Variants in EPHB1 observed in about 807,000 individuals in gnomAD.
The protein encoded by EPHB1 is ephrin type-B receptor 1.
EPHB1 carries 30 observed loss-of-function variants against 94.4 expected under a neutral mutation model. That is an observed-to-expected ratio of 0.32 (90% confidence interval 0.24 to 0.43). The LOEUF (loss-of-function observed/expected upper bound fraction) is 0.43, where lower values mean the gene tolerates loss of function less well. Among genes scored for constraint, EPHB1 ranks in the 20% least tolerant of loss-of-function variants. EPHB1 has a pLI of 1.00. For synonymous variants in EPHB1, 522 were observed against 489.1 expected, an observed-to-expected ratio of 1.07 and a Z score of -0.89; for missense variants, 1,055 against 1,308.3, an observed-to-expected ratio of 0.81 and a Z score of 2.99.
At chr3:135,258,083 C>G (rs1576509100) in intron 15 of EPHB1, among the ~76,000 whole-genome samples, 1 of 152,108 alleles carries the variant, frequency 6.6e-6, no homozygotes. Context: ...CGTGCACGCA[C>G]CCACTGACCT....
chr3:134,904,921 C>A (rs967634416), intron 1 of EPHB1, among the ~76,000 whole-genome samples: 3 of 152,166 alleles, frequency 2.0e-5, no homozygotes, highest in Non-Finnish European at 2.9e-5. Context: ...TAACCAGGGG[C>A]CTTTTAGGGG....
intron 1 of EPHB1, among the ~76,000 whole-genome samples, chr3:134,890,346 A>G (rs1435683509): frequency 6.6e-6 from 1 of 152,220 alleles, no homozygotes; most frequent in Middle Eastern, 3.2e-3. Context: ...CCATGTTGAG[A>G]CAAGTTGCTC....
intron 1 of EPHB1, among the ~76,000 whole-genome samples, chr3:134,846,089 C>T (rs2036866892): frequency 6.6e-6 from 1 of 152,176 alleles, no homozygotes; most frequent in Non-Finnish European, 1.5e-5. Context: ...CTCCTCTGAT[C>T]AGTATGGTGT....
chr3:135,224,621 C>T (rs774615512), intron 12 of EPHB1, among the ~76,000 whole-genome samples: 31 of 152,148 alleles, frequency 2.0e-4, no homozygotes, highest in African/African-American at 7.5e-4. Context: ...ATATCCTGCT[C>T]CTCATAAAAA....
chr3:135,192,956 C>CA, intron 11 of EPHB1, 133 bp downstream of exon 11: 1 of 1,245,868 alleles, frequency 8.0e-7, no homozygotes, highest in Non-Finnish European at 1.1e-6. Context: ...GAGATGTTAG[C>CA]AGAGATTTGT....
At chr3:135,038,336 T>C (rs1936713562) in intron 3 of EPHB1, among the ~76,000 whole-genome samples, 2 of 152,242 alleles carry the variant, frequency 1.3e-5, no homozygotes, top group African/African-American at 4.8e-5. Context: ...ACTTTACCCG[T>C]TCCGAGTCTT....
chr3:135,117,124 T>G (rs1208055228), intron 4 of EPHB1, among the ~76,000 whole-genome samples: 4 of 152,182 alleles, frequency 2.6e-5, no homozygotes, highest in Non-Finnish European at 5.9e-5. Flanking sequence ...TAGGGATCTC[T>G]CCATAACTGG....
chr3:135,092,252 G>A (rs764867006), intron 3 of EPHB1, among the ~76,000 whole-genome samples: 1 of 152,110 alleles, frequency 6.6e-6, no homozygotes, highest in Non-Finnish European at 1.5e-5. Context: ...AGAGACCTAG[G>A]CCTAGCACCC....
chr3:134,827,384 C>G (rs192517290), intron 1 of EPHB1, among the ~76,000 whole-genome samples: 2 of 145,322 alleles, frequency 1.4e-5, no homozygotes, highest in African/African-American at 2.7e-5. Flanking sequence ...CACACACACA[C>G]ACACATACAC....
chr3:135,098,712 G>A (rs1938903738), intron 3 of EPHB1, among the ~76,000 whole-genome samples: 1 of 151,936 alleles, frequency 6.6e-6, no homozygotes, highest in African/African-American at 2.4e-5. Context: ...CCCAGGAAAT[G>A]ATAAGAATCC....
intron 4 of EPHB1, among the ~76,000 whole-genome samples, chr3:135,109,331 A>G (rs1021800622): frequency 5.9e-5 from 9 of 152,214 alleles, no homozygotes; most frequent in African/African-American, 1.9e-4. Flanking sequence ...CTTGGTCTAA[A>G]TCCTTGGTCT....
intron 3 of EPHB1, among the ~76,000 whole-genome samples, chr3:135,066,479 A>G (rs1937581785): frequency 6.6e-6 from 1 of 152,166 alleles, no homozygotes; most frequent in Non-Finnish European, 1.5e-5. Context: ...CTACTTGTTC[A>G]GTTCTACTGC....
chr3:134,994,986 T>TTGTGTGTGTGTG lies in EPHB1; in HGVS notation c.805+42952_805+42963dup, dbSNP rs57873051. On this transcript the variant is annotated intron_variant, in intron 3 of 15. Coordinates refer to ENST00000398015, the MANE Select transcript of EPHB1 (RefSeq NM_004441.5). Reference sequence around the variant, plus strand: ...CAGATATCACCAGTTTTACATACACTTGTGTGTGTGTGTGTGTGTGTGTGT... The same window carrying TTGTGTGTGTGTG: ...CAGATATCACCAGTTTTACATACACTTGTGTGTGTGTGTGTGTGTGTGTGTGTGTGTGTGTGT... 3.9e-3 allele frequency among the ~76,000 whole-genome samples: 585 copies of TTGTGTGTGTGTG among 148,472 alleles called. 2 individuals are homozygous for TTGTGTGTGTGTG. Among genetic ancestry groups the TTGTGTGTGTGTG allele is most frequent in the Admixed American group, 5.2e-3 (78 of 14,912 alleles).
chr3:135,029,276 C>G (rs530441729), intron 3 of EPHB1, among the ~76,000 whole-genome samples: 17 of 151,284 alleles, frequency 1.1e-4, no homozygotes, highest in Non-Finnish European at 1.9e-4. Context: ...ATGATGTTAG[C>G]TGGTCATTTT....
chr3:134,964,759 T>C (rs1238377906), intron 3 of EPHB1, among the ~76,000 whole-genome samples: 3 of 152,212 alleles, frequency 2.0e-5, no homozygotes, highest in African/African-American at 7.2e-5. Context: ...CTATTTTCTC[T>C]TCTTTTCCTC....
At chr3:134,935,149 G>A (rs1023356493) in intron 2 of EPHB1, among the ~76,000 whole-genome samples, 2 of 152,228 alleles carry the variant, frequency 1.3e-5, no homozygotes, top group African/African-American at 4.8e-5. Context: ...TCCTGACAAA[G>A]GCACTGGGAT....
chr3:134,859,808 G>A (rs1200111209), intron 1 of EPHB1, among the ~76,000 whole-genome samples: 1 of 152,122 alleles, frequency 6.6e-6, no homozygotes, highest in Non-Finnish European at 1.5e-5. Flanking sequence ...TCCATAAATT[G>A]TATAAATTTC....
intron 12 of EPHB1, 65 bp from the exon 13 acceptor site, chr3:135,241,083 T>C (rs1380258275): frequency 3.1e-6 from 5 of 1,606,572 alleles, no homozygotes; most frequent in Non-Finnish European, 4.3e-6. Flanking sequence ...ATGCCAAGTT[T>C]TTTATTGCCT....
chr3:135,014,584 G>A (rs1214600034), intron 3 of EPHB1, among the ~76,000 whole-genome samples: 1 of 152,224 alleles, frequency 6.6e-6, no homozygotes, highest in Non-Finnish European at 1.5e-5. Flanking sequence ...GCTATTGAGT[G>A]TGTGCTGGTG....
Sources: allele counts gnomAD v4.1 joint callset (sites outside exome capture counted in the v4.1 genomes callset), GRCh38; gene constraint gnomAD v4.1.1; transcripts MANE v1.5; gene names NCBI Gene and HGNC (gene_info 2026-07-23, HGNC 2026-07-21).